LDB3: variants seen among roughly 807,000 people sequenced by gnomAD.
LDB3 encodes the protein LIM domain binding 3.
In LDB3, 49 loss-of-function variants were observed where a neutral mutation model predicts 69.0. The observed-to-expected ratio is 0.71, with a 90% CI of 0.56 to 0.90. LDB3 has a LOEUF of 0.90. Among genes scored for constraint, LDB3 ranks in the 40% least tolerant of loss-of-function variants. LDB3 has a pLI of 0.00. For missense variants in LDB3, 928 were observed against 974.1 expected, an observed-to-expected ratio of 0.95 and a Z score of 0.63; for synonymous variants, 387 against 396.2, an observed-to-expected ratio of 0.98 and a Z score of 0.28.
chr10:86,731,225 C>CTTT (rs200417366), intron 13 of LDB3, among the ~76,000 whole-genome samples: 1 of 115,886 alleles, frequency 8.6e-6, no homozygotes, highest in Non-Finnish European at 1.7e-5. Context: ...CCATATCTAC[C>CTTT]TTTTTTTTTT....
intron 9 of LDB3, 21 bp downstream of exon 9, chr10:86,710,071 G>A: frequency 6.2e-7 from 1 of 1,610,900 alleles, no homozygotes; most frequent in Non-Finnish European, 8.5e-7. Flanking sequence ...GAGCAGGAGG[G>A]GAGGCTGTCG....
chr10:86,689,459 C>A (rs1299202387), intron 5 of LDB3, among the ~76,000 whole-genome samples: 1 of 152,248 alleles, frequency 6.6e-6, no homozygotes, highest in African/African-American at 2.4e-5. Flanking sequence ...GTACTTGTCT[C>A]TTGGGGTTTG....
At chr10:86,676,241 T>C (rs1005087553) in intron 2 of LDB3, among the ~76,000 whole-genome samples, 1 of 152,084 alleles carries the variant, frequency 6.6e-6, no homozygotes, top group Non-Finnish European at 1.5e-5. Flanking sequence ...GAAGGGGCGC[T>C]GTGGGCACAA....
chr10:86,681,304 CCAGG>C, intron 4 of LDB3, 128 bp from the exon 5 acceptor site: 1 of 1,372,296 alleles, frequency 7.3e-7, no homozygotes, highest in Non-Finnish European at 1.0e-6. Context: ...AGTGCTGCGC[CCAGG>C]CGCTCTGGGC....
intron 5 of LDB3, among the ~76,000 whole-genome samples, chr10:86,687,693 T>C (rs79106435): frequency 0.043 from 6,570 of 152,304 alleles, 395 homozygotes; most frequent in East Asian, 0.16. Context: ...TCAAATACAC[T>C]GGCTGGGTTT....
At chr10:86,724,624 A>G (rs986920895) in intron 12 of LDB3, among the ~76,000 whole-genome samples, 1 of 151,284 alleles carries the variant, frequency 6.6e-6, no homozygotes, top group African/African-American at 2.4e-5. Flanking sequence ...AAAATAAAAA[A>G]TAAATAAATA....
intron 7 of LDB3, among the ~76,000 whole-genome samples, chr10:86,700,679 G>A (rs1329954424): frequency 6.6e-6 from 1 of 152,090 alleles, no homozygotes. Context: ...TGGGCATTTA[G>A]GAAGGGCTAG....
At chr10:86,666,946 T>C, upstream of LDB3, 1 of 443,590 alleles carries the variant, frequency 2.3e-6, no homozygotes, top group Non-Finnish European at 4.6e-6. Context: ...CCTGGCAGGA[T>C]GGACAAACAC....
intron 12 of LDB3, among the ~76,000 whole-genome samples, chr10:86,720,308 A>G (rs1847029366): frequency 6.6e-6 from 1 of 152,120 alleles, no homozygotes; most frequent in Non-Finnish European, 1.5e-5. Context: ...GCCGAGCATG[A>G]TGGCGGGCGT....
intron 2 of LDB3, 144 bp from the exon 3 acceptor site, chr10:86,679,223 G>T: frequency 1.0e-6 from 1 of 971,602 alleles, no homozygotes; most frequent in Non-Finnish European, 1.6e-6. Context: ...ACTAGGCTTG[G>T]TTAGCAGCTG....
intron 7 of LDB3, 89 bp from the exon 8 acceptor site, chr10:86,706,442 C>T (rs1846443743): frequency 1.4e-6 from 2 of 1,432,698 alleles, no homozygotes; most frequent in Non-Finnish European, 1.9e-6. Flanking sequence ...CAGCCTGCCT[C>T]TGCTGCAGCC....
At chr10:86,674,244 C>T (rs1038048678) in intron 2 of LDB3, among the ~76,000 whole-genome samples, 2 of 152,180 alleles carry the variant, frequency 1.3e-5, no homozygotes, top group East Asian at 1.9e-4. Flanking sequence ...CCCTGTTTAA[C>T]GACATAATCC....
intron 5 of LDB3, chr10:86,687,399 G>C: frequency 1.1e-6 from 1 of 922,776 alleles, no homozygotes; most frequent in Non-Finnish European, 1.7e-6. Flanking sequence ...CCCTTGGAGG[G>C]GAGCCAGCCT....
chr10:86,671,178 CTG>C (rs1308052372), intron 2 of LDB3, among the ~76,000 whole-genome samples: 2 of 152,222 alleles, frequency 1.3e-5, no homozygotes, highest in Non-Finnish European at 2.9e-5. Flanking sequence ...GCCTGGCAAA[CTG>C]AGGCTCGAGT....
At chr10:86,694,960 C>T (rs1711993213) in intron 7 of LDB3, among the ~76,000 whole-genome samples, 1 of 152,236 alleles carries the variant, frequency 6.6e-6, no homozygotes, top group African/African-American at 2.4e-5. Context: ...CCTACCTTCT[C>T]TTTCTCCTCC....
At chr10:86,687,389 C>T in intron 5 of LDB3, 3 of 1,020,362 alleles carry the variant, frequency 2.9e-6, no homozygotes, top group South Asian at 2.7e-5. Context: ...GGAGGCATGG[C>T]CCTTGGAGGG....
chr10:86,719,596 C>T (rs1294020155), intron 12 of LDB3, among the ~76,000 whole-genome samples: 3 of 152,258 alleles, frequency 2.0e-5, no homozygotes, highest in East Asian at 1.9e-4. Context: ...TTACTTTCCT[C>T]GTCTGTAAAC....
chr10:86,706,728 G>A lies in LDB3; in HGVS notation c.1085+9G>A. ...CCTGCCGACAGCCCAAGGTAACTGG[G>A]CCACAGGTGCTGGGCCTGACCCTGG... On this transcript the variant is annotated intron_variant, in intron 8 of 13. Transcript: ENST00000361373. 1 of 1,607,944 alleles carries A rather than the reference G, an allele frequency of 6.2e-7. No individual in the cohort carries two copies. Among genetic ancestry groups the A allele is most frequent in the Non-Finnish European group, 8.5e-7 (1 of 1,177,524 alleles).
intron 9 of LDB3, among the ~76,000 whole-genome samples, chr10:86,714,016 C>G (rs1846769743): frequency 6.6e-6 from 1 of 152,226 alleles, no homozygotes; most frequent in Non-Finnish European, 1.5e-5. Context: ...TACATCTGAC[C>G]CTGACACCCA....
Sources: allele counts gnomAD v4.1 joint callset (sites outside exome capture counted in the v4.1 genomes callset), GRCh38; gene constraint gnomAD v4.1.1; transcripts MANE v1.5; gene names NCBI Gene and HGNC (gene_info 2026-07-23, HGNC 2026-07-21).